The following SLC22A23 variants were observed in gnomAD, a reference collection of about 807,000 sequenced individuals.
SLC22A23 encodes the protein solute carrier family 22 member 23, also known as ion transporter protein.
In SLC22A23, 26 loss-of-function variants were observed where a neutral mutation model predicts 61.0. The ratio of observed to expected loss-of-function variants is 0.43; its 90% CI spans 0.31 to 0.59. The LOEUF (loss-of-function observed/expected upper bound fraction) is 0.59. Among genes scored for constraint, SLC22A23 ranks in the 20% least tolerant of loss-of-function variants. The probability of loss-of-function intolerance (pLI) is 0.11; values close to 1 mark genes in which losing one functional copy is unlikely to be tolerated. For synonymous variants in SLC22A23, 430 were observed against 413.9 expected, an observed-to-expected ratio of 1.04 and a Z score of -0.47; for missense variants, 796 against 934.7, an observed-to-expected ratio of 0.85 and a Z score of 1.94.
At chr6:3,306,253 C>T (rs1302324266) in intron 4 of SLC22A23, among the ~76,000 whole-genome samples, 2 of 152,158 alleles carry the variant, frequency 1.3e-5, no homozygotes, top group African/African-American at 2.4e-5. Context: ...GGGGTCCACC[C>T]CCGTGACCCA....
intron 3 of SLC22A23, among the ~76,000 whole-genome samples, chr6:3,336,984 A>G (rs1418947059): frequency 6.6e-6 from 1 of 151,996 alleles, no homozygotes; most frequent in Admixed American, 6.6e-5. Context: ...GATTTTTAAA[A>G]TTTATAGTAG....
chr6:3,423,564 C>T (rs536308559), intron 1 of SLC22A23, among the ~76,000 whole-genome samples: 1 of 152,132 alleles, frequency 6.6e-6, no homozygotes, highest in East Asian at 1.9e-4. Flanking sequence ...TAAGAGTAAG[C>T]CCTGTAAGTT....
chr6:3,274,667 A>G (rs1176042222), intron 9 of SLC22A23, among the ~76,000 whole-genome samples: 1 of 152,230 alleles, frequency 6.6e-6, no homozygotes, highest in African/African-American at 2.4e-5. Context: ...AGGTCACAAG[A>G]TAAAAGATCA....
rs909971097 is a variant in SLC22A23, at chr6:3,455,000, C to A, written c.654+906G>T. On this transcript the variant is annotated intron_variant, in intron 1 of 9. Transcript: ENST00000406686. The surrounding 1 kb of genome is among the most constrained non-coding windows in gnomAD (Gnocchi z 4.3). ...AAATGTGAATTAATTAGTTTAGACACAAGGAGCAAAACTACAAATGTCTTG... is the reference window on the plus strand; with the variant it reads ...AAATGTGAATTAATTAGTTTAGACAAAAGGAGCAAAACTACAAATGTCTTG... Among the ~76,000 whole-genome samples the A allele has an allele frequency of 6.6e-6, 1 of 152,164 alleles. No individual in the cohort carries two copies. Among genetic ancestry groups the A allele is most frequent in the Admixed American group, 6.5e-5 (1 of 15,280 alleles).
chr6:3,437,530 T>TA (rs1050898677), intron 1 of SLC22A23, among the ~76,000 whole-genome samples: 10 of 149,582 alleles, frequency 6.7e-5, no homozygotes, highest in African/African-American at 1.2e-4. Flanking sequence ...AAAAAAAAAT[T>TA]AAAAAAAAAT....
At chr6:3,431,923 A>G (rs763093746) in intron 1 of SLC22A23, among the ~76,000 whole-genome samples, 8 of 152,260 alleles carry the variant, frequency 5.3e-5, no homozygotes, top group Middle Eastern at 3.4e-3. Context: ...TGTATAATGC[A>G]TTGTAGTTGT....
In SLC22A23 at chr6:3,308,268, C is replaced by T. The variant is rs983563897; in HGVS notation, c.1083-10050G>A. On this transcript the variant is annotated intron_variant, in intron 4 of 9. Coordinates refer to ENST00000406686, the MANE Select transcript of SLC22A23 (RefSeq NM_015482.2). The surrounding 1 kb of genome is among the most constrained non-coding windows in gnomAD (Gnocchi z 5.1). ...ATACCGCTCACCCCAATCCCAGTGCCCCTGCACTCACCCTCCCGTCCTCCA... is the reference window on the plus strand; with the variant it reads ...ATACCGCTCACCCCAATCCCAGTGCTCCTGCACTCACCCTCCCGTCCTCCA... Among the ~76,000 whole-genome samples, 2 of 152,198 alleles carry T rather than the reference C, an allele frequency of 1.3e-5. No homozygotes were observed. The highest frequency in any genetic ancestry group is 4.8e-5 in the African/African-American group (2 of 41,430).
In SLC22A23 at chr6:3,272,974, TG is replaced by T; in HGVS notation, c.*80del. On this transcript the variant is annotated 3_prime_UTR_variant, in exon 10 of 10. Transcript: ENST00000406686. ...TTGGCTGAGGCAGCTTTCCCACCCCTGGCTGCGTGTTCGGTCCCTGGTCTGT... is the reference window on the plus strand; with the variant it reads ...TTGGCTGAGGCAGCTTTCCCACCCCTGCTGCGTGTTCGGTCCCTGGTCTGT... The T allele has an allele frequency of 7.7e-7, 1 of 1,300,582 alleles. No homozygotes were observed. 80.6% of individuals were successfully genotyped at this position (1,300,582 alleles called of 1,614,324 possible).
rs1247690493 is a variant in SLC22A23 at position 3,414,395 on chromosome 6, C to T, written c.758+1357G>A. Among the ~76,000 whole-genome samples, 2 of 152,102 alleles carry T rather than the reference C, an allele frequency of 1.3e-5. No homozygotes were observed. Among genetic ancestry groups the T allele is most frequent in the African/African-American group, 2.4e-5 (1 of 41,412 alleles). On this transcript the variant is annotated intron_variant, in intron 2 of 9. Transcript: ENST00000406686. The surrounding 1 kb of genome is among the most constrained non-coding windows in gnomAD (Gnocchi z 5.1). ...AAGAAAGCCCCCAAGAGGTCCCCTG[C>T]GTAGGTCTCCAGAGGTCACTGACTG...
rs1196852922 is a variant in SLC22A23 at position 3,270,489 on chromosome 6, C to T, written c.*2566G>A. 1 of 152,350 alleles carries T rather than the reference C, an allele frequency of 6.6e-6. No individual in the cohort carries two copies. Among genetic ancestry groups the T allele is most frequent in the Non-Finnish European group, 1.5e-5 (1 of 68,052 alleles). The allele number at this position is 152,350 out of a possible 1,614,324, so 9.4% of individuals were successfully genotyped here. A position where few individuals can be genotyped will look rare whatever the true frequency, so the allele number is the denominator to read the frequency against. ...TCAGGTATCCCTAGGCTGAAGCTGC[C>T]ACCAAACAGGCACCCGGCCTCCTCC... On this transcript the variant is annotated 3_prime_UTR_variant, in exon 10 of 10. Coordinates refer to ENST00000406686, the MANE Select transcript of SLC22A23 (RefSeq NM_015482.2).
chr6:3,418,341 A>T (rs1376904289), intron 1 of SLC22A23, among the ~76,000 whole-genome samples: 16 of 152,238 alleles, frequency 1.1e-4, no homozygotes, highest in Admixed American at 5.2e-4. Context: ...TTATGCTTCT[A>T]TGAGATGGCC....
At position 3,357,310 on chromosome 6, in the gene SLC22A23, G is replaced by C. The variant is rs188664719; in HGVS notation, c.914-33308C>G. ...TTATCCCAGCCTCTGTAAAGTCTTT[G>C]CTAATAATTATCCAGACAGCTTTCC... is the stretch of plus-strand genomic sequence containing the variant. On this transcript the variant is annotated intron_variant, in intron 3 of 9. Coordinates refer to ENST00000406686, the MANE Select transcript of SLC22A23 (RefSeq NM_015482.2). 2.2e-3 allele frequency among the ~76,000 whole-genome samples: 329 copies of C among 152,280 alleles called. 3 individuals are homozygous for C. Among genetic ancestry groups the C allele is most frequent in the African/African-American group, 7.7e-3 (318 of 41,554 alleles).
At chr6:3,392,302 G>C (rs1767715140) in intron 3 of SLC22A23, among the ~76,000 whole-genome samples, 1 of 152,232 alleles carries the variant, frequency 6.6e-6, no homozygotes, top group Non-Finnish European at 1.5e-5. Flanking sequence ...GGCTCCCAGT[G>C]TCATGGGACT....
chr6:3,420,670 T>A (rs1468412005), intron 1 of SLC22A23, among the ~76,000 whole-genome samples: 1 of 152,190 alleles, frequency 6.6e-6, no homozygotes, highest in East Asian at 1.9e-4. Flanking sequence ...TAAGCAAAAT[T>A]ATAAAGACCT....
At chr6:3,336,848 G>A (rs1174377290) in intron 3 of SLC22A23, among the ~76,000 whole-genome samples, 1 of 148,426 alleles carries the variant, frequency 6.7e-6, no homozygotes, top group Non-Finnish European at 1.5e-5. Context: ...CTAGGCTGGA[G>A]TGCACTGGTG....
chr6:3,427,174 G>A lies in SLC22A23; in HGVS notation c.655-11319C>T, dbSNP rs936165502. ...GGGGCTCAGTTTTAACATCTATGAC[G>A]TAGGAGTCGCAAAACCTTCACCAGA... On this transcript the variant is annotated intron_variant, in intron 1 of 9. Coordinates refer to ENST00000406686, the MANE Select transcript of SLC22A23 (RefSeq NM_015482.2). The surrounding 1 kb of genome is among the most constrained non-coding windows in gnomAD (Gnocchi z 4.3). Among the ~76,000 whole-genome samples, 1 of 152,152 alleles carries A rather than the reference G, an allele frequency of 6.6e-6. No individual in the cohort carries two copies. The highest frequency in any genetic ancestry group is 1.5e-5 in the Non-Finnish European group (1 of 68,042).
At chr6:3,455,038 T>A (rs1190446190) in intron 1 of SLC22A23, among the ~76,000 whole-genome samples, 1 of 152,224 alleles carries the variant, frequency 6.6e-6, no homozygotes, top group African/African-American at 2.4e-5. Context: ...ATCTCTTATA[T>A]GTTAAGAATA....
intron 3 of SLC22A23, among the ~76,000 whole-genome samples, chr6:3,383,740 G>A (rs1767103572): frequency 6.6e-6 from 1 of 152,368 alleles, no homozygotes. Context: ...AGGTTTTCAA[G>A]GAACTGATAC....
At chr6:3,289,709 C>G in intron 6 of SLC22A23, 55 bp downstream of exon 6, 1 of 1,481,768 alleles carries the variant, frequency 6.7e-7, no homozygotes, top group Non-Finnish European at 9.3e-7. Context: ...CACCACTCCC[C>G]ACCTTCTTCC....
Sources: gnomAD v4.1 joint callset for allele counts (sites outside exome capture counted in the v4.1 genomes callset) on GRCh38, gnomAD v4.1.1 for gene constraint, Gnocchi (gnomAD v3.1) non-coding constraint, MANE v1.5 for transcripts, NCBI Gene and HGNC (gene_info 2026-07-23, HGNC 2026-07-21) for gene names.